MCF2L2: variants seen among roughly 807,000 people sequenced by gnomAD.
The protein encoded by MCF2L2 is MCF.2 cell line derived transforming sequence-like 2.
MCF2L2 carries 102 observed loss-of-function variants against 150.2 expected under a neutral mutation model. The observed-to-expected ratio is 0.68, with a 90% CI of 0.58 to 0.80. MCF2L2 has a LOEUF of 0.80. MCF2L2 is among the 30% of genes least tolerant of loss of function. MCF2L2 has a pLI of 0.00. For synonymous variants in MCF2L2, 465 were observed against 491.3 expected, an observed-to-expected ratio of 0.95 and a Z score of 0.71; for missense variants, 1,256 against 1,372.8, an observed-to-expected ratio of 0.91 and a Z score of 1.34.
At chr3:183,405,009 T>C (rs1040919361) in intron 1 of MCF2L2, among the ~76,000 whole-genome samples, 4 of 152,178 alleles carry the variant, frequency 2.6e-5, no homozygotes, top group African/African-American at 9.7e-5. Context: ...CAAAAAATTA[T>C]AAAGCCGTTA....
intron 10 of MCF2L2, 30 bp from the exon 11 acceptor site, chr3:183,300,226 C>G: frequency 6.4e-7 from 1 of 1,568,730 alleles, no homozygotes; most frequent in Non-Finnish European, 8.6e-7. Context: ...AGCCAGGCGT[C>G]AGAAGTCAGA....
intron 3 of MCF2L2, among the ~76,000 whole-genome samples, chr3:183,347,082 A>T (rs1007612493): frequency 2.6e-5 from 4 of 152,222 alleles, no homozygotes; most frequent in Admixed American, 6.5e-5. Flanking sequence ...GGAACCAAAA[A>T]AAGAGCCCGT....
chr3:183,229,602 A>C, intron 17 of MCF2L2, 64 bp downstream of exon 17: 1 of 740,780 alleles, frequency 1.3e-6, no homozygotes. Flanking sequence ...TCTCAATTCC[A>C]TCAGTCTCAT....
At chr3:183,239,192 G>A (rs62293312) in intron 15 of MCF2L2, among the ~76,000 whole-genome samples, 1,574 of 152,252 alleles carry the variant, frequency 0.01, 18 homozygotes, top group South Asian at 0.027. Flanking sequence ...ACCAAAGGGA[G>A]CTTAGGATGC....
intron 15 of MCF2L2, among the ~76,000 whole-genome samples, chr3:183,242,175 A>C (rs1724056772): frequency 6.6e-6 from 1 of 152,208 alleles, no homozygotes; most frequent in Non-Finnish European, 1.5e-5. Context: ...CTCAAAAGGG[A>C]AGAAGAGCAT....
intron 1 of MCF2L2, among the ~76,000 whole-genome samples, chr3:183,415,673 TATC>T (rs1269930622): frequency 1.3e-5 from 2 of 152,252 alleles, no homozygotes; most frequent in Non-Finnish European, 2.9e-5. Context: ...CTGATATTAG[TATC>T]ATCACCCCAG....
At chr3:183,263,432 C>T (rs1209777041) in intron 15 of MCF2L2, among the ~76,000 whole-genome samples, 1 of 152,146 alleles carries the variant, frequency 6.6e-6, no homozygotes, top group Non-Finnish European at 1.5e-5. Flanking sequence ...CCACTTAGAG[C>T]TCCAAGACCA....
intron 3 of MCF2L2, chr3:183,374,794 C>T (rs934422491): frequency 3.3e-5 from 5 of 152,194 alleles, no homozygotes; most frequent in African/African-American, 2.4e-5. Flanking sequence ...GTTCAAAGCT[C>T]TTCAACACTA....
intron 1 of MCF2L2, among the ~76,000 whole-genome samples, chr3:183,396,515 T>C (rs1714475110): frequency 6.6e-6 from 1 of 152,182 alleles, no homozygotes; most frequent in Admixed American, 6.5e-5. Flanking sequence ...ACATTTTACT[T>C]AGATCACATT....
intron 5 of MCF2L2, among the ~76,000 whole-genome samples, chr3:183,333,454 T>C (rs1182065432): frequency 2.0e-5 from 3 of 151,986 alleles, no homozygotes; most frequent in African/African-American, 7.2e-5. Context: ...AATAGAAAAA[T>C]CCTCCCCCTT....
intron 23 of MCF2L2, 29 bp downstream of exon 23, chr3:183,207,579 A>G: frequency 1.3e-6 from 2 of 1,513,076 alleles, no homozygotes; most frequent in Non-Finnish European, 1.8e-6. Flanking sequence ...GCATAGGGCG[A>G]CTCCCAGATG....
chr3:183,195,169 T>A, intron 26 of MCF2L2, 53 bp downstream of exon 26: 2 of 1,405,614 alleles, frequency 1.4e-6, no homozygotes, highest in Admixed American at 2.1e-5. Flanking sequence ...GGACTCAATA[T>A]GAAACATCCA....
intron 4 of MCF2L2, 66 bp from the exon 5 acceptor site, chr3:183,338,985 T>G: frequency 6.6e-7 from 1 of 1,511,624 alleles, no homozygotes; most frequent in South Asian, 1.3e-5. Context: ...CAGGGTCTAC[T>G]TTGGTCTCCC....
At chr3:183,406,983 A>G (rs575208851) in intron 1 of MCF2L2, among the ~76,000 whole-genome samples, 15 of 152,192 alleles carry the variant, frequency 9.9e-5, no homozygotes, top group African/African-American at 3.4e-4. Flanking sequence ...CAGATTTTTT[A>G]TTAGGTTTTA....
chr3:183,316,048 C>T (rs1175918252), intron 7 of MCF2L2, among the ~76,000 whole-genome samples: 1 of 152,196 alleles, frequency 6.6e-6, no homozygotes, highest in Non-Finnish European at 1.5e-5. Context: ...CTTCCCATGA[C>T]ACCCCTTTGC....
chr3:183,342,829 T>C (rs1170046231), intron 3 of MCF2L2, among the ~76,000 whole-genome samples: 1 of 152,198 alleles, frequency 6.6e-6, no homozygotes, highest in Non-Finnish European at 1.5e-5. Flanking sequence ...GATAAGTAGT[T>C]GGCCTATAGT....
intron 7 of MCF2L2, among the ~76,000 whole-genome samples, chr3:183,312,987 C>A (rs1207493715): frequency 6.6e-6 from 1 of 152,188 alleles, no homozygotes; most frequent in Non-Finnish European, 1.5e-5. Context: ...TCAGGCATAT[C>A]TCTTCTTTTC....
At chr3:183,410,847 A>T (rs938539740) in intron 1 of MCF2L2, among the ~76,000 whole-genome samples, 2 of 152,206 alleles carry the variant, frequency 1.3e-5, no homozygotes, top group African/African-American at 4.8e-5. Context: ...CTAAATCCAC[A>T]GCTGAATAAA....
intron 3 of MCF2L2, among the ~76,000 whole-genome samples, chr3:183,364,476 C>A (rs1391273575): frequency 6.6e-6 from 1 of 151,742 alleles, no homozygotes; most frequent in African/African-American, 2.4e-5. Flanking sequence ...GCCAAGATCA[C>A]GCCACTGCAC....
Sources: gnomAD v4.1 joint callset for allele counts (sites outside exome capture counted in the v4.1 genomes callset) on GRCh38, gnomAD v4.1.1 for gene constraint, MANE v1.5 for transcripts, NCBI Gene and HGNC (gene_info 2026-07-23, HGNC 2026-07-21) for gene names.